Variants in RIMS2 observed in about 807,000 individuals in gnomAD.
The protein encoded by RIMS2 is regulating synaptic membrane exocytosis protein 2.
A neutral mutation model predicts 174.4 loss-of-function variants in RIMS2; 59 were observed. The observed-to-expected ratio is 0.34, with a 90% CI of 0.27 to 0.42. RIMS2 has a LOEUF of 0.42. Among genes scored for constraint, RIMS2 ranks in the 10% least tolerant of loss-of-function variants. RIMS2 has a pLI of 1.00. For missense variants in RIMS2, 1,620 were observed against 1,666.3 expected (o/e 0.97, Z 0.48); for synonymous variants, 606 against 572.5 (o/e 1.06, Z -0.84).
At position 103,944,250 on chromosome 8, in the gene RIMS2, C is replaced by T. The variant is rs940740083; in HGVS notation, c.2701+1324C>T. The stretch of plus-strand genomic sequence containing the variant: ...ACACTTCTATTTTCAAATGTCATTA[C>T]GACATCCTTTGTTGTAATAATTACA... On this transcript the variant is annotated intron_variant, in intron 14 of 23. Transcript: ENST00000504942. Among the ~76,000 whole-genome samples the T allele has an allele frequency of 2.7e-4, 41 of 151,964 alleles. 1 individual carries two copies. Among genetic ancestry groups the T allele is most frequent in the Admixed American group, 2.4e-3 (37 of 15,236 alleles).
At chr8:103,913,233 C>T (rs1312689804) in intron 6 of RIMS2, among the ~76,000 whole-genome samples, 1 of 151,798 alleles carries the variant, frequency 6.6e-6, no homozygotes, top group Non-Finnish European at 1.5e-5. Context: ...CCACCATGAC[C>T]TCCCAGCATG....
At chr8:104,115,770 G>A (rs970356889) in intron 19 of RIMS2, among the ~76,000 whole-genome samples, 9 of 152,136 alleles carry the variant, frequency 5.9e-5, no homozygotes, top group Non-Finnish European at 7.4e-5. Flanking sequence ...GAATGGTGGT[G>A]AGCTGGAGAA....
At chr8:103,912,985 T>TG (rs1195475919) in intron 6 of RIMS2, among the ~76,000 whole-genome samples, 7 of 147,058 alleles carry the variant, frequency 4.8e-5, no homozygotes, top group African/African-American at 1.8e-4. Flanking sequence ...TTTTTTTTTT[T>TG]TTTTTGAGAT....
chr8:104,061,215 T>C (rs1297348474), intron 19 of RIMS2, among the ~76,000 whole-genome samples: 1 of 152,188 alleles, frequency 6.6e-6, no homozygotes, highest in Non-Finnish European at 1.5e-5. Context: ...TAAGTCTCTT[T>C]GTAGGTCACT....
downstream of RIMS2, chr8:104,252,937 C>T (rs1400802758): frequency 1.3e-5 from 2 of 152,000 alleles, no homozygotes; most frequent in Admixed American, 6.6e-5. Flanking sequence ...TCTCTCATAC[C>T]CCATGTTTGA....
rs79962856 is a variant in RIMS2 at position 104,177,107 on chromosome 8, T to C, written c.3335-67809T>C. Among the ~76,000 whole-genome samples the C allele has an allele frequency of 1.2e-4, 18 of 152,248 alleles. No homozygotes were observed. The East Asian group carries it at 3.5e-3, about 29-fold the overall frequency. Reference sequence around the variant, plus strand: ...ATGGTTAATAATATAATGTATTTCGTTTGCATATAAAGGAGGTAACCACAG... The same window carrying C: ...ATGGTTAATAATATAATGTATTTCGCTTGCATATAAAGGAGGTAACCACAG... On this transcript the variant is annotated intron_variant, in intron 19 of 23. Coordinates refer to ENST00000504942, the Ensembl canonical transcript of RIMS2.
At chr8:104,128,506 G>C (rs535171864) in intron 19 of RIMS2, among the ~76,000 whole-genome samples, 1 of 152,116 alleles carries the variant, frequency 6.6e-6, no homozygotes, top group Non-Finnish European at 1.5e-5. Flanking sequence ...AGACCAGCCT[G>C]ACCAACATGG....
At chr8:103,778,082 G>A (rs2098338426) in intron 3 of RIMS2, among the ~76,000 whole-genome samples, 1 of 151,908 alleles carries the variant, frequency 6.6e-6, no homozygotes. Flanking sequence ...TAGGTTAGAA[G>A]TAAAAAAATG....
chr8:103,502,091 C>CT (rs1820464793), intron 1 of RIMS2, among the ~76,000 whole-genome samples: 1 of 152,106 alleles, frequency 6.6e-6, no homozygotes, highest in Non-Finnish European at 1.5e-5. Flanking sequence ...TCCAGCTTGG[C>CT]TTTTTTCTTT....
intron 2 of RIMS2, among the ~76,000 whole-genome samples, chr8:103,753,971 C>G (rs1446317064): frequency 2.6e-5 from 4 of 152,222 alleles, no homozygotes; most frequent in African/African-American, 9.6e-5. Context: ...CTTCTGCTAG[C>G]TTTTGAATGT....
chr8:104,212,030 G>A (rs570111754), intron 19 of RIMS2, among the ~76,000 whole-genome samples: 1 of 152,220 alleles, frequency 6.6e-6, no homozygotes, highest in South Asian at 2.1e-4. Flanking sequence ...TGTTGTTTGA[G>A]CAACTATTTG....
At chr8:103,703,658 A>T (rs763005241) in intron 2 of RIMS2, among the ~76,000 whole-genome samples, 5 of 152,082 alleles carry the variant, frequency 3.3e-5, no homozygotes, top group Non-Finnish European at 7.4e-5. Flanking sequence ...TTTGGTATTT[A>T]ATTTATTTCA....
exon 1 of RIMS2, chr8:103,501,007 C>T: frequency 6.2e-7 from 1 of 1,611,718 alleles, no homozygotes; most frequent in Non-Finnish European, 8.5e-7. Context: ...GAAAATCATC[C>T]TGGCCGTCAT....
intron 3 of RIMS2, among the ~76,000 whole-genome samples, chr8:103,858,961 G>A (rs1238592789): frequency 6.6e-6 from 1 of 151,882 alleles, no homozygotes; most frequent in Non-Finnish European, 1.5e-5. Flanking sequence ...GTTCTTTATA[G>A]CATAGCAATA....
chr8:104,132,541 A>G (rs1322393375), intron 19 of RIMS2, among the ~76,000 whole-genome samples: 1 of 152,140 alleles, frequency 6.6e-6, no homozygotes, highest in Non-Finnish European at 1.5e-5. Flanking sequence ...GACCTGCTAT[A>G]TTATAGGAGG....
chr8:103,980,923 A>C (rs1596316698), intron 16 of RIMS2, among the ~76,000 whole-genome samples: 1 of 152,174 alleles, frequency 6.6e-6, no homozygotes, highest in East Asian at 1.9e-4. Flanking sequence ...ATAGAACATC[A>C]GGCAAATTTC....
intron 1 of RIMS2, among the ~76,000 whole-genome samples, chr8:103,600,275 C>G (rs572234917): frequency 1.3e-5 from 2 of 151,950 alleles, no homozygotes; most frequent in South Asian, 4.2e-4. Flanking sequence ...TTCTTTCTTT[C>G]TTTCTTTTTT....
intron 19 of RIMS2, among the ~76,000 whole-genome samples, chr8:104,069,864 A>C (rs928014685): frequency 2.0e-5 from 3 of 152,170 alleles, no homozygotes; most frequent in Non-Finnish European, 4.4e-5. Context: ...CTTTGTTCTG[A>C]TATAGCTATT....
At chr8:103,807,400 G>C (rs1318829275) in intron 3 of RIMS2, among the ~76,000 whole-genome samples, 1 of 152,114 alleles carries the variant, frequency 6.6e-6, no homozygotes, top group Non-Finnish European at 1.5e-5. Context: ...AATCTCAATA[G>C]AACATTAGTG....
Sources: allele counts gnomAD v4.1 joint callset (sites outside exome capture counted in the v4.1 genomes callset), GRCh38; gene constraint gnomAD v4.1.1; transcripts MANE v1.5; gene names NCBI Gene and HGNC (gene_info 2026-07-23, HGNC 2026-07-21).